Variants in TEX9 observed in about 807,000 individuals in gnomAD.
TEX9 encodes testis-expressed protein 9.
In TEX9, 74 loss-of-function variants were observed where a neutral mutation model predicts 59.6. That is an observed-to-expected ratio of 1.24 (90% CI 1.03 to 1.51). The LOEUF (loss-of-function observed/expected upper bound fraction) is 1.51, where lower values mean the gene tolerates loss of function less well. TEX9 is among the 40% of genes most tolerant of loss of function. The pLI, the probability that TEX9 is intolerant of heterozygous loss-of-function variation, is 0.00. For synonymous variants in TEX9, 186 were observed against 152.2 expected, an observed-to-expected ratio of 1.22 and a Z score of -1.64; for missense variants, 522 against 447.8, an observed-to-expected ratio of 1.17 and a Z score of -1.49.
At chr15:56,371,657 T>G (rs1188936394) in intron 2 of TEX9, among the ~76,000 whole-genome samples, 1 of 152,216 alleles carries the variant, frequency 6.6e-6, no homozygotes, top group Admixed American at 6.5e-5. Flanking sequence ...CTATATATTC[T>G]AGATGAGTAA....
chr15:56,325,012 C>A (rs2045992905), intron 1 of TEX9, among the ~76,000 whole-genome samples: 1 of 152,078 alleles, frequency 6.6e-6, no homozygotes, highest in Admixed American at 6.5e-5. Flanking sequence ...CAGAAGGTTC[C>A]AATAGAGCCT....
intron 12 of TEX9, chr15:56,429,162 A>G: frequency 6.2e-7 from 1 of 1,600,936 alleles, no homozygotes; most frequent in Non-Finnish European, 8.5e-7. Context: ...TTCACCAAGC[A>G]GATCAATATC....
At chr15:56,359,595 T>C (rs1365268290) in intron 1 of TEX9, among the ~76,000 whole-genome samples, 4 of 152,178 alleles carry the variant, frequency 2.6e-5, no homozygotes, top group South Asian at 4.1e-4. Context: ...ATACACAAAT[T>C]TTGTTTTTAT....
chr15:56,433,110 G>A (rs1822985278), intron 12 of TEX9, among the ~76,000 whole-genome samples: 1 of 152,036 alleles, frequency 6.6e-6, no homozygotes, highest in Admixed American at 6.6e-5. Flanking sequence ...ATCATTTTGG[G>A]TGGACAAAAT....
rs1251131708 is a variant in TEX9, at chr15:56,368,604, A to G, written c.119+2934A>G. ...TTTAGCTTCTTTAATGATTAGATGT[A>G]CTATTTCTAGAATAGTTTTTGGTTA... On this transcript the variant is annotated intron_variant, in intron 2 of 12. Coordinates refer to ENST00000352903, the Ensembl canonical transcript of TEX9. 4.6e-5 allele frequency among the ~76,000 whole-genome samples: 7 copies of G among 152,256 alleles called. No homozygotes were observed. In the East Asian group the frequency reaches 1.3e-3, roughly 29 times the overall value.
At chr15:56,261,716 C>CA (rs1205743303) in intron 1 of TEX9, among the ~76,000 whole-genome samples, 1,884 of 142,038 alleles carry the variant, frequency 0.013, 44 homozygotes, top group African/African-American at 0.044. Context: ...GAGACTGTCT[C>CA]AAAAAAAAAA....
In TEX9 at chr15:56,315,805, G is replaced by T. The variant is rs537244717; in HGVS notation, c.-106-57636G>T. On this transcript the variant is annotated intron_variant, in intron 1 of 5. Coordinates refer to the TEX9 transcript ENST00000560827. Reference sequence around the variant, plus strand: ...AGGTACACCAATCAGATGTAGATTTGGTCTTTTCACATAGTCCCATATTTC... The same window carrying T: ...AGGTACACCAATCAGATGTAGATTTTGTCTTTTCACATAGTCCCATATTTC... Among the ~76,000 whole-genome samples the T allele has an allele frequency of 6.1e-5, 9 of 147,486 alleles. No individual in the cohort carries two copies. In the South Asian group the frequency reaches 1.7e-3, roughly 29 times the overall value.
At chr15:56,270,798 C>A (rs1012395363) in intron 1 of TEX9, among the ~76,000 whole-genome samples, 1 of 152,188 alleles carries the variant, frequency 6.6e-6, no homozygotes, top group East Asian at 1.9e-4. Flanking sequence ...ATGTTTAGTG[C>A]TTCCTTCAGG....
chr15:56,346,158 A>G (rs894136764), intron 1 of TEX9, among the ~76,000 whole-genome samples: 1 of 152,228 alleles, frequency 6.6e-6, no homozygotes, highest in African/African-American at 2.4e-5. Flanking sequence ...AGAAAAACAG[A>G]TACAGTGAAG....
At chr15:56,377,815 C>T (rs976543368) in intron 3 of TEX9, among the ~76,000 whole-genome samples, 10 of 151,900 alleles carry the variant, frequency 6.6e-5, no homozygotes, top group East Asian at 5.8e-4. Context: ...AAAGGAAAGA[C>T]GGTCAGTTTT....
chr15:56,390,225 C>T (rs1162102481), intron 6 of TEX9, among the ~76,000 whole-genome samples: 2 of 151,864 alleles, frequency 1.3e-5, no homozygotes, highest in Admixed American at 6.6e-5. Flanking sequence ...TCAGACTTCA[C>T]ATTTTTTTAA....
intron 12 of TEX9, among the ~76,000 whole-genome samples, chr15:56,445,454 A>G (rs1325175387): frequency 2.0e-5 from 3 of 152,074 alleles, no homozygotes; most frequent in African/African-American, 7.2e-5. Flanking sequence ...AGCATCAAAC[A>G]TAAAGAGTAA....
chr15:56,339,769 C>A (rs558514094), intron 1 of TEX9, among the ~76,000 whole-genome samples: 3 of 152,066 alleles, frequency 2.0e-5, no homozygotes, highest in African/African-American at 7.2e-5. Context: ...CATGGCAGAG[C>A]CTTCATGAAT....
chr15:56,295,903 T>C (rs943267900), intron 1 of TEX9, among the ~76,000 whole-genome samples: 36 of 152,214 alleles, frequency 2.4e-4, no homozygotes, highest in Non-Finnish European at 2.9e-4. Flanking sequence ...TCTTTTTTCC[T>C]ATAAACCAAA....
At chr15:56,415,985 C>G (rs1249681881) in intron 10 of TEX9, among the ~76,000 whole-genome samples, 1 of 151,506 alleles carries the variant, frequency 6.6e-6, no homozygotes, top group Non-Finnish European at 1.5e-5. Flanking sequence ...CTTTTTGTGG[C>G]AAGTGGGGAT....
At chr15:56,411,899 T>C (rs1483009318) in intron 9 of TEX9, among the ~76,000 whole-genome samples, 2 of 152,190 alleles carry the variant, frequency 1.3e-5, no homozygotes, top group African/African-American at 4.8e-5. Flanking sequence ...ATTTACTTTG[T>C]CAGGTATACA....
At chr15:56,303,494 G>A (rs1227605336) in intron 1 of TEX9, among the ~76,000 whole-genome samples, 1 of 152,030 alleles carries the variant, frequency 6.6e-6, no homozygotes, top group Admixed American at 6.6e-5. Context: ...TGAAACAAAT[G>A]AAAATGGAAA....
chr15:56,384,024 A>G, exon 4 of TEX9: 1 of 1,611,692 alleles, frequency 6.2e-7, no homozygotes, highest in East Asian at 2.2e-5. Flanking sequence ...AGATGATTAC[A>G]GTTTAAGGTA....
At chr15:56,305,241 A>G (rs2045450561) in intron 1 of TEX9, among the ~76,000 whole-genome samples, 1 of 152,148 alleles carries the variant, frequency 6.6e-6, no homozygotes, top group Non-Finnish European at 1.5e-5. Flanking sequence ...TCCTATGAAA[A>G]CACCACTGAC....
Sources: allele counts gnomAD v4.1 joint callset (sites outside exome capture counted in the v4.1 genomes callset), GRCh38; gene constraint gnomAD v4.1.1; transcripts MANE v1.5; gene names NCBI Gene and HGNC (gene_info 2026-07-23, HGNC 2026-07-21).